H3C6: variants seen among roughly 807,000 people sequenced by gnomAD.
H3C6 encodes histone H3.1.
Under a neutral mutation model 8.0 loss-of-function variants are expected in H3C6, and 17 were observed. The ratio of observed to expected loss-of-function variants is 2.13; its 90% CI spans 1.46 to 3.19. H3C6 has a LOEUF of 3.19. H3C6 is among the 30% of genes most tolerant of loss of function. The pLI is 0.00. For synonymous variants in H3C6, 169 were observed against 78.0 expected, an observed-to-expected ratio of 2.17 and a Z score of -6.15; for missense variants, 298 against 193.8, an observed-to-expected ratio of 1.54 and a Z score of -3.19.
upstream of H3C6, chr6:26,224,923 C>T: frequency 2.4e-6 from 1 of 425,296 alleles, no homozygotes; most frequent in Non-Finnish European, 4.2e-6. Flanking sequence ...CGTGAAACAT[C>T]AAAGAAACCT....
chr6:26,226,038 C>G (rs1452626395), downstream of H3C6: 1 of 156,134 alleles, frequency 6.4e-6, no homozygotes, highest in East Asian at 1.9e-4. Flanking sequence ...CGCTTTTGAT[C>G]TGCATCAGGC....
rs761350558 is a variant in H3C6, at chr6:26,225,334, G to A, written c.180G>A (p.Glu60=). The A allele has an allele frequency of 3.1e-6, 5 of 1,614,140 alleles. No homozygotes were observed. Among genetic ancestry groups the A allele is most frequent in the East Asian group, 2.2e-5 (1 of 44,900 alleles). Residue 60 remains glutamate (E), a synonymous_variant, in exon 1 of 1, where the codon GAG becomes GAA. Coordinates refer to ENST00000614911, the MANE Select transcript of H3C6 (RefSeq NM_003532.3). ...REIRRYQKST[E]LLIRKLPFQR... ...TCCGTCGCTACCAGAAGTCTACCGA[G>A]CTTCTAATCCGGAAGCTGCCGTTTC...
rs1759524710 is a variant in H3C6 at position 26,225,597 on chromosome 6, GCT to G, written c.*35_*36del. ...TTGAGTACAAACCTTAAATCCAAAG[GCT>G]CTTCTCAGAGCCAACCACTTTGTCC... is the stretch of plus-strand genomic sequence containing the variant. On this transcript the variant is annotated 3_prime_UTR_variant, in exon 1 of 1. Coordinates refer to ENST00000614911, the MANE Select transcript of H3C6 (RefSeq NM_003532.3). 1 of 1,590,604 alleles carries G rather than the reference GCT, an allele frequency of 6.3e-7. No individual in the cohort carries two copies. The highest frequency in any genetic ancestry group is 8.6e-7 in the Non-Finnish European group (1 of 1,168,752).
At chr6:26,224,900 A>G, upstream of H3C6, 1 of 343,324 alleles carries the variant, frequency 2.9e-6, no homozygotes, top group East Asian at 5.2e-5. Context: ...ATGTCTTTGC[A>G]GGTCATGGTC....
In H3C6 at chr6:26,225,603, C is replaced by A; in HGVS notation, c.*38C>A. On this transcript the variant is annotated 3_prime_UTR_variant, in exon 1 of 1. Transcript: ENST00000614911. ...ACAAACCTTAAATCCAAAGGCTCTT[C>A]TCAGAGCCAACCACTTTGTCCGTGA... 6.3e-7 allele frequency: 1 copy of A among 1,581,924 alleles called. No homozygotes were observed. The highest frequency in any genetic ancestry group is 8.6e-7 in the Non-Finnish European group (1 of 1,164,040).
upstream of H3C6, chr6:26,224,763 C>A (rs539746601): frequency 3.4e-4 from 54 of 159,158 alleles, no homozygotes; most frequent in Non-Finnish European, 4.1e-4. Context: ...GGAAAAACTT[C>A]AGGAAAATGC....
Position 26,225,455 on chromosome 6 carries a change from T to G in H3C6, c.301T>G (p.Leu101Val), listed in dbSNP as rs750903931. 3.1e-6 allele frequency: 5 copies of G among 1,614,144 alleles called. No homozygotes were observed. The highest frequency in any genetic ancestry group is 3.3e-5 in the Admixed American group (2 of 60,014). Residue 101 changes from leucine to valine, a missense_variant, in exon 1 of 1, where the codon TTG becomes GTG. Physicochemically the swap from Leu to Val is conservative, Grantham distance 32. Transcript: ENST00000614911. ...MALQEACEAY[L>V]VGLFEDTNLC... is the part of the protein sequence containing the mutation. ...GCTGCAGGAGGCCTGCGAGGCCTAC[T>G]TGGTGGGGCTTTTCGAGGACACCAA...
chr6:26,225,138 T>TA lies in H3C6; in HGVS notation c.-16dup. 1.3e-6 allele frequency: 2 copies of TA among 1,531,790 alleles called. No individual in the cohort carries two copies. The highest frequency in any genetic ancestry group is 1.8e-6 in the Non-Finnish European group (2 of 1,141,976). The allele number at this position is 1,531,790 out of a possible 1,614,324, so 94.9% of individuals were successfully genotyped here. A position where few individuals can be genotyped will look rare whatever the true frequency, so the allele number is the denominator to read the frequency against. ...GGCAAACCAATCTTCCTAACTCATTTACTTTGCAGATGAACTATGGCGCGT... is the reference window on the plus strand; with the variant it reads ...GGCAAACCAATCTTCCTAACTCATTTAACTTTGCAGATGAACTATGGCGCGT... On this transcript the variant is annotated 5_prime_UTR_variant, in exon 1 of 1. Transcript: ENST00000614911.
upstream of H3C6, chr6:26,224,178 A>G (rs1031846031): frequency 6.6e-6 from 1 of 152,252 alleles, no homozygotes; most frequent in East Asian, 1.9e-4. Flanking sequence ...AGGTTAATTC[A>G]CAATAGTGTT....
chr6:26,225,395 A>G lies in H3C6; in HGVS notation c.241A>G (p.Thr81Ala), dbSNP rs765034358. 1 of 1,614,246 alleles carries G rather than the reference A, an allele frequency of 6.2e-7. No individual in the cohort carries two copies. Among genetic ancestry groups the G allele is most frequent in the Admixed American group, 1.7e-5 (1 of 60,036 alleles). Residue 81 changes from threonine (T) to alanine (A), a missense_variant, in exon 1 of 1, where the codon ACC (threonine) becomes GCC (alanine). Transcript: ENST00000614911. ...GCGAGAAATAGCTCAGGACTTCAAGACCGACCTGCGCTTCCAGAGTTCCGC... is the reference window on the plus strand; with the variant it reads ...GCGAGAAATAGCTCAGGACTTCAAGGCCGACCTGCGCTTCCAGAGTTCCGC... The part of the protein sequence containing the change: ...LVREIAQDFK[T>A]DLRFQSSAVM...
rs1290767694 is a variant in H3C6, at chr6:26,225,402, T to A, written c.248T>A (p.Leu83Gln). Reference protein sequence around the residue: ...REIAQDFKTDLRFQSSAVMAL... With the variant: ...REIAQDFKTDQRFQSSAVMAL... ...ATAGCTCAGGACTTCAAGACCGACC[T>A]GCGCTTCCAGAGTTCCGCGGTGATG... is the stretch of plus-strand genomic sequence containing the variant. The change falls in exon 1 of 1, where the codon CTG becomes CAG. Residue 83 changes from leucine (L) to glutamine (Q), a missense_variant. Coordinates refer to ENST00000614911, the MANE Select transcript of H3C6 (RefSeq NM_003532.3). 2 of 1,614,154 alleles carry A rather than the reference T, an allele frequency of 1.2e-6. No individual in the cohort carries two copies. Among genetic ancestry groups the A allele is most frequent in the African/African-American group, 2.7e-5 (2 of 74,962 alleles).
chr6:26,224,817 T>C (rs986311833), upstream of H3C6: 3 of 168,928 alleles, frequency 1.8e-5, no homozygotes, highest in Admixed American at 6.3e-5. Flanking sequence ...TCTAAAGCAC[T>C]TTCTAACGCA....
chr6:26,224,833 A>G, upstream of H3C6: 2 of 181,300 alleles, frequency 1.1e-5, no homozygotes, highest in Non-Finnish European at 2.3e-5. Context: ...ACGCAAACAC[A>G]TTCGATTTTT....
Position 26,225,394 on chromosome 6 carries a change from G to A in H3C6, c.240G>A (p.Lys80=), listed in dbSNP as rs199939187. 9.2e-5 allele frequency: 149 copies of A among 1,614,156 alleles called. No individual in the cohort carries two copies. The highest frequency in any genetic ancestry group is 1.2e-4 in the Non-Finnish European group (143 of 1,180,056). ...RLVREIAQDF[K]TDLRFQSSAV... ...TGCGAGAAATAGCTCAGGACTTCAA[G>A]ACCGACCTGCGCTTCCAGAGTTCCG... Residue 80 remains lysine (K), a synonymous_variant, in exon 1 of 1, where the codon AAG becomes AAA. Coordinates refer to ENST00000614911, the MANE Select transcript of H3C6 (RefSeq NM_003532.3).
chr6:26,225,346 G>C lies in H3C6; in HGVS notation c.192G>C (p.Arg64=). Reference sequence around the variant, plus strand: ...AGAAGTCTACCGAGCTTCTAATCCGGAAGCTGCCGTTTCAGCGCCTGGTGC... The same window carrying C: ...AGAAGTCTACCGAGCTTCTAATCCGCAAGCTGCCGTTTCAGCGCCTGGTGC... ...RYQKSTELLI[R]KLPFQRLVRE... is the part of the protein sequence containing the mutation. Residue 64 remains arginine (R), a synonymous_variant, in exon 1 of 1, where the codon CGG becomes CGC. Coordinates refer to ENST00000614911, the MANE Select transcript of H3C6 (RefSeq NM_003532.3). The C allele has an allele frequency of 6.2e-7, 1 of 1,614,252 alleles. No individual in the cohort carries two copies. Among genetic ancestry groups the C allele is most frequent in the Non-Finnish European group, 8.5e-7 (1 of 1,180,040 alleles).
At chr6:26,224,538 G>C (rs1344153432), upstream of H3C6, among the ~76,000 whole-genome samples, 1 of 152,208 alleles carries the variant, frequency 6.6e-6, no homozygotes, top group Non-Finnish European at 1.5e-5. Flanking sequence ...CGAAATAATA[G>C]TGTTAAGTTC....
Position 26,225,292 on chromosome 6 carries a change from C to T in H3C6, c.138C>T (p.Thr46=), listed in dbSNP as rs1274889625. The change falls in exon 1 of 1, where the codon ACC becomes ACT. Residue 46 remains threonine (T), a synonymous_variant. Transcript: ENST00000614911. ...VKKPHRYRPG[T]VALREIRRYQ... ...AGCCCCATCGCTACCGCCCTGGCACCGTGGCTCTGCGCGAGATCCGTCGCT... is the reference window on the plus strand; with the variant it reads ...AGCCCCATCGCTACCGCCCTGGCACTGTGGCTCTGCGCGAGATCCGTCGCT... 12 of 1,614,094 alleles carry T rather than the reference C, an allele frequency of 7.4e-6. No individual in the cohort carries two copies. The highest frequency in any genetic ancestry group is 3.3e-5 in the Admixed American group (2 of 60,014).
chr6:26,226,423 C>T (rs1201931132), downstream of H3C6: 1 of 151,070 alleles, frequency 6.6e-6, no homozygotes, highest in African/African-American at 2.4e-5. Context: ...CGGAGTTTCG[C>T]CCTTGTTGCC....
chr6:26,225,296 G>C lies in H3C6; in HGVS notation c.142G>C (p.Ala48Pro), dbSNP rs760490205. The change falls in exon 1 of 1, where the codon GCT becomes CCT. Residue 48 changes from alanine (A) to proline (P), a missense_variant. Coordinates refer to ENST00000614911, the MANE Select transcript of H3C6 (RefSeq NM_003532.3). ...CCATCGCTACCGCCCTGGCACCGTG[G>C]CTCTGCGCGAGATCCGTCGCTACCA... ...KPHRYRPGTV[A>P]LREIRRYQKS... The C allele has an allele frequency of 6.2e-7, 1 of 1,614,216 alleles. No individual in the cohort carries two copies. The highest frequency in any genetic ancestry group is 8.5e-7 in the Non-Finnish European group (1 of 1,180,028).
Sources: allele counts gnomAD v4.1 joint callset (sites outside exome capture counted in the v4.1 genomes callset), GRCh38; gene constraint gnomAD v4.1.1; transcripts MANE v1.5; gene names NCBI Gene and HGNC (gene_info 2026-07-23, HGNC 2026-07-21).